The following MKRN2OS variants were observed in gnomAD, a reference collection of about 807,000 sequenced individuals.
The protein encoded by MKRN2OS is MKRN2 opposite strand, also known as MKRN2 opposite strand protein.
MKRN2OS carries 17 observed loss-of-function variants against 18.2 expected under a neutral mutation model. The observed-to-expected ratio is 0.93, with a 90% CI of 0.64 to 1.40. MKRN2OS has a LOEUF of 1.40. Ranked by LOEUF, MKRN2OS falls within the 40% of genes most tolerant of loss-of-function variation. MKRN2OS has a pLI of 0.00. For synonymous variants in MKRN2OS, 121 were observed against 108.5 expected, an observed-to-expected ratio of 1.12 and a Z score of -0.72; for missense variants, 337 against 283.0, an observed-to-expected ratio of 1.19 and a Z score of -1.37.
rs1234898191 is a variant in MKRN2OS at position 12,540,396 on chromosome 3, G to T, written c.469C>A (p.Leu157Ile). ...ATCAGAACGCAGTTAATGAACGTGAGTGCGTAAGAGTAGCAGTTATGGTGG... is the reference window on the plus strand; with the variant it reads ...ATCAGAACGCAGTTAATGAACGTGATTGCGTAAGAGTAGCAGTTATGGTGG... ...DNHHNCYSYA[L>I]TFINCVLMAE... Residue 157 changes from leucine (L) to isoleucine (I), a missense_variant, in exon 4 of 4, where the codon CTC becomes ATC. Coordinates refer to ENST00000564146, the MANE Select transcript of MKRN2OS (RefSeq NM_001195279.2). The T allele has an allele frequency of 5.2e-6, 8 of 1,536,012 alleles. No individual in the cohort carries two copies. The highest frequency in any genetic ancestry group is 2.7e-5 in the African/African-American group (2 of 73,034).
chr3:12,557,138 C>T (rs1199104081), intron 1 of MKRN2OS: 2 of 1,512,168 alleles, frequency 1.3e-6, no homozygotes, highest in Admixed American at 2.1e-5. Context: ...GACGGTCCCT[C>T]AGCCCAGCCA....
rs1326296779 is a variant in MKRN2OS at position 12,540,002 on chromosome 3, C to G, written c.*191G>C. The G allele has an allele frequency of 9.8e-6, 7 of 713,130 alleles. No homozygotes were observed. Among genetic ancestry groups the G allele is most frequent in the Non-Finnish European group, 1.6e-5 (7 of 443,662 alleles). The allele number at this position is 713,130 out of a possible 1,614,324, so 44.2% of individuals were successfully genotyped here. On this transcript the variant is annotated 3_prime_UTR_variant, in exon 4 of 4. Coordinates refer to ENST00000564146, the MANE Select transcript of MKRN2OS (RefSeq NM_001195279.2). The stretch of plus-strand genomic sequence containing the variant: ...GTTTCTCCATGTTGGTCAGGCTGGT[C>G]TCAAACTCCCAACCTCAGGTGACCT...
chr3:12,545,351 C>T lies in MKRN2OS; in HGVS notation c.114G>A (p.Ser38=), dbSNP rs371527866. The T allele has an allele frequency of 7.4e-5, 114 of 1,536,134 alleles. No homozygotes were observed. In the African/African-American group the frequency reaches 1.2e-3, roughly 17 times the overall value. Residue 38 remains serine, a synonymous_variant, in exon 1 of 4, where the codon TCG becomes TCA. Transcript: ENST00000564146. The part of the protein sequence containing the change: ...CCPLCQQDLG[S]RKLEDAPVSI... ...TAACAGGTGCGTCCTCCAGCTTCCT[C>T]GAGCCCAGGTCCTGCTGGCAGAGAG...
intron 1 of MKRN2OS, among the ~76,000 whole-genome samples, chr3:12,558,811 C>T (rs550435337): frequency 2.2e-4 from 34 of 152,286 alleles, no homozygotes; most frequent in African/African-American, 7.9e-4. Flanking sequence ...GAAGGGATCA[C>T]TTCTGTTTAA....
At chr3:12,551,022 A>C (rs549581252), downstream of MKRN2OS, among the ~76,000 whole-genome samples, 3 of 152,184 alleles carry the variant, frequency 2.0e-5, no homozygotes, top group African/African-American at 7.2e-5. Context: ...TTCAGATTGC[A>C]TAGGAATCCA....
chr3:12,553,647 TTG>T (rs1026545654), downstream of MKRN2OS: 32 of 152,228 alleles, frequency 2.1e-4, no homozygotes, highest in African/African-American at 7.5e-4. Context: ...CTCTTTAACA[TTG>T]TTCTGAAGGC....
rs934377484 is a variant in MKRN2OS at position 12,543,168 on chromosome 3, A to C, written c.268+12T>G. ...GTAGTAGGGGTTTTTTAAGCTACAA[A>C]ACTGCACTTACCATTTGTGTTAGTT... On this transcript the variant is annotated intron_variant, in intron 2 of 3. Transcript: ENST00000564146. 3.3e-6 allele frequency: 5 copies of C among 1,534,778 alleles called. No individual in the cohort carries two copies. The highest frequency in any genetic ancestry group is 4.4e-6 in the Non-Finnish European group (5 of 1,146,078).
chr3:12,546,507 AAAT>A (rs1019033062), upstream of MKRN2OS, among the ~76,000 whole-genome samples: 40 of 151,828 alleles, frequency 2.6e-4, no homozygotes, highest in African/African-American at 9.2e-4. Context: ...TTCAATTTTA[AAAT>A]AATTTTTTAA....
rs1289800014 is a variant in MKRN2OS, at chr3:12,540,381, A to C, written c.484T>G (p.Cys162Gly). ...CYSYALTFIN[C>G]VLMAEGRQQL... ...TGTCTACCTTCTGCCATCAGAACGC[A>C]GTTAATGAACGTGAGTGCGTAAGAG... The change falls in exon 4 of 4, where the codon TGC becomes GGC. Residue 162 changes from cysteine (C) to glycine (G), a missense_variant. Physicochemically the swap from Cys to Gly is radical, Grantham distance 159. Coordinates refer to ENST00000564146, the MANE Select transcript of MKRN2OS (RefSeq NM_001195279.2). 6.5e-7 allele frequency: 1 copy of C among 1,536,008 alleles called. No individual in the cohort carries two copies. Among genetic ancestry groups the C allele is most frequent in the African/African-American group, 1.4e-5 (1 of 73,032 alleles).
At chr3:12,545,869 C>T (rs1038558193), upstream of MKRN2OS, among the ~76,000 whole-genome samples, 5 of 152,256 alleles carry the variant, frequency 3.3e-5, no homozygotes, top group South Asian at 2.1e-4. Flanking sequence ...TGCAGTGGCA[C>T]GATCTTGGCT....
upstream of MKRN2OS, among the ~76,000 whole-genome samples, chr3:12,550,315 G>C (rs908499296): frequency 2.6e-5 from 4 of 152,164 alleles, no homozygotes; most frequent in African/African-American, 9.7e-5. Context: ...GCATATCACT[G>C]AGTGGAAGAA....
chr3:12,553,016 CAA>C (rs371579378), downstream of MKRN2OS, among the ~76,000 whole-genome samples: 324 of 101,954 alleles, frequency 3.2e-3, 3 homozygotes, highest in South Asian at 0.046. Context: ...ACCCGGTCTC[CAA>C]AAAAAAAAAA....
At chr3:12,557,721 A>G (rs916618147) in intron 1 of MKRN2OS, among the ~76,000 whole-genome samples, 3 of 152,388 alleles carry the variant, frequency 2.0e-5, no homozygotes, top group East Asian at 1.9e-4. Context: ...AGCGCCCTGC[A>G]TATTTCCAAG....
Position 12,559,127 on chromosome 3 carries a change from A to G in MKRN2OS, n.264+1630T>C, listed in dbSNP as rs1162669262. Reference sequence around the variant, plus strand: ...TCATACAAGGATATGTAAAACTGCAAAGAAGTTTACTCACAAAAGGGTGTA... The same window carrying G: ...TCATACAAGGATATGTAAAACTGCAGAGAAGTTTACTCACAAAAGGGTGTA... On this transcript the variant is annotated intron_variant and non_coding_transcript_variant, in intron 1 of 1. Coordinates refer to the MKRN2OS transcript ENST00000447550. Among the ~76,000 whole-genome samples, 3 of 152,224 alleles carry G rather than the reference A, an allele frequency of 2.0e-5. No individual in the cohort carries two copies. The East Asian group carries it at 5.8e-4, about 29-fold the overall frequency.
At chr3:12,547,411 G>A (rs1326753699), upstream of MKRN2OS, among the ~76,000 whole-genome samples, 3 of 152,072 alleles carry the variant, frequency 2.0e-5, no homozygotes, top group Non-Finnish European at 4.4e-5. Flanking sequence ...AGATTTGGTG[G>A]TGTGTACCTG....
chr3:12,545,776 T>C (rs1289456341), upstream of MKRN2OS, among the ~76,000 whole-genome samples: 2 of 152,194 alleles, frequency 1.3e-5, no homozygotes, highest in African/African-American at 4.8e-5. Flanking sequence ...TCCCTTGCAG[T>C]GGCAGCGCTG....
At chr3:12,557,001 G>A in intron 1 of MKRN2OS, 1 of 881,452 alleles carries the variant, frequency 1.1e-6, no homozygotes, top group Non-Finnish European at 1.5e-6. Flanking sequence ...ACCCGCCGGC[G>A]CTACAAAGGT....
chr3:12,557,641 G>T (rs2057990330), intron 1 of MKRN2OS, among the ~76,000 whole-genome samples: 1 of 152,268 alleles, frequency 6.6e-6, no homozygotes, highest in African/African-American at 2.4e-5. Flanking sequence ...ATCTAAACTT[G>T]CAGAGAGTTA....
At chr3:12,560,959 T>C (rs997562302) in exon 1 of MKRN2OS, 4 of 152,222 alleles carry the variant, frequency 2.6e-5, no homozygotes, top group African/African-American at 9.7e-5. Flanking sequence ...GGAGTGACTA[T>C]AAGCACATGA....
Sources: allele counts gnomAD v4.1 joint callset (sites outside exome capture counted in the v4.1 genomes callset), GRCh38; gene constraint gnomAD v4.1.1; transcripts MANE v1.5; gene names NCBI Gene and HGNC (gene_info 2026-07-23, HGNC 2026-07-21).